The following MYO3B variants were observed in gnomAD, a reference collection of about 807,000 sequenced individuals.
The protein encoded by MYO3B is myosin-IIIb.
A neutral mutation model predicts 174.6 loss-of-function variants in MYO3B; 156 were observed. That is an observed-to-expected ratio of 0.89 (90% CI 0.78 to 1.02). The LOEUF (loss-of-function observed/expected upper bound fraction) is 1.02, where lower values mean the gene tolerates loss of function less well. MYO3B is among the 50% of genes least tolerant of loss of function. The probability of loss-of-function intolerance (pLI) is 0.00; values close to 1 mark genes in which losing one functional copy is unlikely to be tolerated. For synonymous variants in MYO3B, 563 were observed against 569.1 expected (o/e 0.99, Z 0.15); for missense variants, 1,632 against 1,639.4 (o/e 1.00, Z 0.08).
chr2:170,350,586 T>A (rs1574832250), intron 8 of MYO3B: 1 of 152,138 alleles, frequency 6.6e-6, no homozygotes, highest in African/African-American at 2.4e-5. Context: ...GCAGAGATGA[T>A]GGGTAAAAAT....
At chr2:170,633,162 C>T (rs1697164894) in intron 32 of MYO3B, among the ~76,000 whole-genome samples, 1 of 152,168 alleles carries the variant, frequency 6.6e-6, no homozygotes, top group Non-Finnish European at 1.5e-5. Context: ...GGCAGAGACA[C>T]AACAAAACAA....
At chr2:170,399,277 A>C (rs2094460437) in intron 16 of MYO3B, among the ~76,000 whole-genome samples, 1 of 138,338 alleles carries the variant, frequency 7.2e-6, no homozygotes, top group Non-Finnish European at 1.6e-5. Flanking sequence ...GAGAGAGACC[A>C]GTCTGGCCAA....
At chr2:170,647,815 G>A (rs1360457102) in intron 32 of MYO3B, 7 of 152,086 alleles carry the variant, frequency 4.6e-5, no homozygotes, top group Non-Finnish European at 7.4e-5. Flanking sequence ...AAATCATATC[G>A]TATATAAAGC....
intron 6 of MYO3B, among the ~76,000 whole-genome samples, chr2:170,222,423 GA>G (rs1408755442): frequency 5.3e-5 from 8 of 152,216 alleles, no homozygotes; most frequent in African/African-American, 1.9e-4. Context: ...CTGGAGGCTA[GA>G]AATCTGAAAC....
At chr2:170,529,053 T>G (rs961619364) in intron 30 of MYO3B, among the ~76,000 whole-genome samples, 1 of 152,244 alleles carries the variant, frequency 6.6e-6, no homozygotes, top group Non-Finnish European at 1.5e-5. Flanking sequence ...TGCTGTTTAA[T>G]TTCACCTGAT....
intron 32 of MYO3B, among the ~76,000 whole-genome samples, chr2:170,560,176 T>A (rs1460597215): frequency 6.6e-6 from 1 of 152,150 alleles, no homozygotes; most frequent in Non-Finnish European, 1.5e-5. Flanking sequence ...TCTTCTGGAG[T>A]GCGCTACAAT....
chr2:170,652,926 T>C, intron 34 of MYO3B, 57 bp from the exon 35 acceptor site: 7 of 1,603,080 alleles, frequency 4.4e-6, no homozygotes, highest in Non-Finnish European at 6.0e-6. Flanking sequence ...GCCCCAGTGA[T>C]GATTGTAACA....
At chr2:170,226,029 C>T (rs2092948500) in intron 6 of MYO3B, among the ~76,000 whole-genome samples, 1 of 152,152 alleles carries the variant, frequency 6.6e-6, no homozygotes, top group South Asian at 2.1e-4. Flanking sequence ...AGAGGGAAGA[C>T]CTGCTTTCAG....
chr2:170,580,790 C>G (rs1308675859), intron 32 of MYO3B, among the ~76,000 whole-genome samples: 1 of 145,022 alleles, frequency 6.9e-6, no homozygotes, highest in East Asian at 2.0e-4. Context: ...TGTTTTTAAT[C>G]TTTGTATAAA....
In MYO3B at chr2:170,400,293, A is replaced by C. The variant is rs1472554593; in HGVS notation, c.1897A>C (p.Asn633His). 2.5e-6 allele frequency: 4 copies of C among 1,614,130 alleles called. No individual in the cohort carries two copies. Among genetic ancestry groups the C allele is most frequent in the Non-Finnish European group, 3.4e-6 (4 of 1,180,010 alleles). ...QHQTDKSEVP[N>H]AEALQNAASV... ...TCAGACTGATAAAAGTGAGGTGCCC[A>C]ATGCTGAAGCTTTGCAAAATGGTAA... The change falls in exon 17 of 35, where the codon AAT (asparagine) becomes CAT (histidine). Residue 633 changes from asparagine to histidine, a missense_variant. Coordinates refer to ENST00000408978, the MANE Select transcript of MYO3B (RefSeq NM_138995.5).
rs568090505 is a variant in MYO3B at position 170,358,846 on chromosome 2, A to C, written c.816-10376A>C. 1.9e-3 allele frequency among the ~76,000 whole-genome samples: 291 copies of C among 152,310 alleles called. 3 individuals carry two copies. The highest frequency in any genetic ancestry group is 6.4e-3 in the African/African-American group (267 of 41,572). On this transcript the variant is annotated intron_variant, in intron 8 of 34. Transcript: ENST00000408978. Reference sequence around the variant, plus strand: ...TTTATAAATTTGAGCTACTAGGCAAAGGCAGTAGTTGTTCAGGAGCAAGTT... The same window carrying C: ...TTTATAAATTTGAGCTACTAGGCAACGGCAGTAGTTGTTCAGGAGCAAGTT...
chr2:170,299,815 G>A (rs1233710627), intron 7 of MYO3B, among the ~76,000 whole-genome samples: 3 of 152,226 alleles, frequency 2.0e-5, no homozygotes, highest in Non-Finnish European at 2.9e-5. Context: ...GGCAAGGGCA[G>A]TAAGAAACAA....
intron 30 of MYO3B, among the ~76,000 whole-genome samples, chr2:170,532,582 G>T (rs1017361523): frequency 6.6e-6 from 1 of 152,106 alleles, no homozygotes; most frequent in Non-Finnish European, 1.5e-5. Context: ...GGAGGCCAAG[G>T]TGGGCGGATC....
intron 8 of MYO3B, among the ~76,000 whole-genome samples, chr2:170,351,950 T>G (rs916568917): frequency 2.0e-5 from 3 of 152,186 alleles, no homozygotes; most frequent in Admixed American, 6.5e-5. Flanking sequence ...TTTCTTTGTT[T>G]GGTTTTTTGT....
At chr2:170,608,928 T>C (rs1694979923) in intron 32 of MYO3B, among the ~76,000 whole-genome samples, 1 of 152,182 alleles carries the variant, frequency 6.6e-6, no homozygotes, top group African/African-American at 2.4e-5. Context: ...ATATTAGCGC[T>C]TGAGAACCAA....
At chr2:170,562,344 A>G (rs1309361862) in intron 32 of MYO3B, among the ~76,000 whole-genome samples, 2 of 152,196 alleles carry the variant, frequency 1.3e-5, no homozygotes, top group Non-Finnish European at 2.9e-5. Flanking sequence ...TTAAAAGAGT[A>G]ATGATAGTTC....
At chr2:170,550,953 C>T (rs996102080) in intron 32 of MYO3B, among the ~76,000 whole-genome samples, 2 of 152,144 alleles carry the variant, frequency 1.3e-5, no homozygotes, top group Admixed American at 6.5e-5. Context: ...GGCTGCAGTG[C>T]GGTGGCATGA....
At chr2:170,240,211 T>A (rs2093116054) in intron 7 of MYO3B, among the ~76,000 whole-genome samples, 1 of 152,212 alleles carries the variant, frequency 6.6e-6, no homozygotes, top group Admixed American at 6.5e-5. Context: ...CTTTTGGGGT[T>A]CACAATTTAA....
At chr2:170,509,836 T>G (rs1463812156) in intron 28 of MYO3B, among the ~76,000 whole-genome samples, 2 of 152,230 alleles carry the variant, frequency 1.3e-5, no homozygotes, top group Admixed American at 1.3e-4. Context: ...CAAGTTGCCT[T>G]TCAGATGTCT....
Sources: allele counts gnomAD v4.1 joint callset (sites outside exome capture counted in the v4.1 genomes callset), GRCh38; gene constraint gnomAD v4.1.1; transcripts MANE v1.5; gene names NCBI Gene and HGNC (gene_info 2026-07-23, HGNC 2026-07-21).